Variants in RIMBP2 observed in about 807,000 individuals in gnomAD.
The protein encoded by RIMBP2 is RIMS binding protein 2.
In RIMBP2, 48 loss-of-function variants were observed where a neutral mutation model predicts 118.6. The observed-to-expected ratio is 0.40, with a 90% CI of 0.32 to 0.51. The LOEUF is 0.51. RIMBP2 is among the 20% of genes least tolerant of loss of function. The pLI is 0.41. For missense variants in RIMBP2, 1,551 were observed against 1,768.3 expected (o/e 0.88, Z 2.20); for synonymous variants, 762 against 742.9 (o/e 1.03, Z -0.42).
intron 19 of RIMBP2, among the ~76,000 whole-genome samples, chr12:130,408,634 A>G (rs1452018190): frequency 6.6e-6 from 1 of 152,210 alleles, no homozygotes; most frequent in Non-Finnish European, 1.5e-5. Context: ...AGGAGGCCTC[A>G]GTGCAGAGCC....
At chr12:130,560,996 C>T (rs957862015) in intron 2 of RIMBP2, among the ~76,000 whole-genome samples, 8 of 152,194 alleles carry the variant, frequency 5.3e-5, no homozygotes, top group African/African-American at 1.9e-4. Flanking sequence ...TGACTACAGT[C>T]CTTACAAAAG....
At chr12:130,550,927 GA>G (rs1382876334) in intron 2 of RIMBP2, among the ~76,000 whole-genome samples, 1 of 152,228 alleles carries the variant, frequency 6.6e-6, no homozygotes, top group African/African-American at 2.4e-5. Flanking sequence ...TTACTGAGAT[GA>G]AAAGTGGGTG....
chr12:130,715,909 G>A (rs1950297578), intron 1 of RIMBP2, among the ~76,000 whole-genome samples: 2 of 152,120 alleles, frequency 1.3e-5, no homozygotes, highest in Admixed American at 1.3e-4. Flanking sequence ...TGGGGTGGGG[G>A]CCATGACAGA....
chr12:130,715,561 G>C (rs547282282), intron 1 of RIMBP2, among the ~76,000 whole-genome samples: 269 of 152,306 alleles, frequency 1.8e-3, no homozygotes, highest in African/African-American at 6.3e-3. Flanking sequence ...CCGGCCAGCA[G>C]CCCGCGCACA....
chr12:130,435,840 C>CCCTG (rs1344197963), intron 13 of RIMBP2, among the ~76,000 whole-genome samples: 2 of 152,196 alleles, frequency 1.3e-5, no homozygotes, highest in African/African-American at 4.8e-5. Flanking sequence ...GAAGGTAGCT[C>CCCTG]CCTGCCCAGT....
chr12:130,521,850 G>A (rs564061812), intron 2 of RIMBP2, among the ~76,000 whole-genome samples: 6 of 152,238 alleles, frequency 3.9e-5, no homozygotes, highest in Non-Finnish European at 8.8e-5. Flanking sequence ...GGAAGGACAT[G>A]TAAGCATTGC....
At chr12:130,537,869 T>C (rs188667595) in intron 2 of RIMBP2, among the ~76,000 whole-genome samples, 232 of 152,326 alleles carry the variant, frequency 1.5e-3, no homozygotes, top group African/African-American at 5.1e-3. Flanking sequence ...AGATCATGTT[T>C]GAAATTGCCC....
chr12:130,483,347 C>T (rs1025487609), intron 4 of RIMBP2, among the ~76,000 whole-genome samples: 1 of 152,172 alleles, frequency 6.6e-6, no homozygotes, highest in East Asian at 1.9e-4. Flanking sequence ...TGGGGTCAGG[C>T]GGTCCTAAGT....
intron 1 of RIMBP2, among the ~76,000 whole-genome samples, chr12:130,680,738 C>G (rs551512744): frequency 6.6e-6 from 1 of 152,260 alleles, no homozygotes; most frequent in South Asian, 2.1e-4. Context: ...CATTGCTGAA[C>G]GTCCTACAGT....
rs570643823 is a variant in RIMBP2, at chr12:130,399,038, C to A, written c.3900+641G>T. ...TTTTTTTTTTAACCCCACAATGAAG[C>A]CTTAAGTCTACCACACTGGCCCGGT... is the stretch of plus-strand genomic sequence containing the variant. On this transcript the variant is annotated intron_variant, in intron 22 of 22. Transcript: ENST00000690449. 1.3e-4 allele frequency: 87 copies of A among 685,628 alleles called. No individual in the cohort carries two copies. The Middle Eastern group carries it at 2.2e-3, about 17-fold the overall frequency. 42.5% of individuals were successfully genotyped at this position (685,628 alleles called of 1,614,324 possible). A position where few individuals can be genotyped will look rare whatever the true frequency, so the allele number is the denominator to read the frequency against.
At chr12:130,507,359 C>A (rs1348331639) in intron 3 of RIMBP2, among the ~76,000 whole-genome samples, 1 of 152,204 alleles carries the variant, frequency 6.6e-6, no homozygotes, top group Non-Finnish European at 1.5e-5. Context: ...TTTTCCTTTT[C>A]AGTCACTTGG....
In RIMBP2 at chr12:130,620,296, C is replaced by G. The variant is rs2061225099; in HGVS notation, c.-217+8026G>C. Among the ~76,000 whole-genome samples, 1 of 152,122 alleles carries G rather than the reference C, an allele frequency of 6.6e-6. No individual in the cohort carries two copies. On this transcript the variant is annotated intron_variant, in intron 2 of 22. Transcript: ENST00000690449. The surrounding 1 kb of genome is among the most constrained non-coding windows in gnomAD (Gnocchi z 5.3). The stretch of plus-strand genomic sequence containing the variant: ...AAGAACCAGCAGCCAGAGCATGTCT[C>G]CCACTCCCTCCCACCCCAGGCGGGT...
At position 130,451,180 on chromosome 12, in the gene RIMBP2, C is replaced by A. The variant is rs748822665; in HGVS notation, c.504+15G>T. 6.2e-7 allele frequency: 1 copy of A among 1,610,632 alleles called. No homozygotes were observed. Among genetic ancestry groups the A allele is most frequent in the South Asian group, 1.1e-5 (1 of 90,892 alleles). ...GCACAGGCAGCCCCGGCAGCCCCTG[C>A]GGGACGGGACTCACGTCTGACTCAG... is the stretch of plus-strand genomic sequence containing the variant. On this transcript the variant is annotated intron_variant, in intron 8 of 22. Coordinates refer to ENST00000690449, the MANE Select transcript of RIMBP2 (RefSeq NM_001393629.1).
At chr12:130,630,539 T>A (rs1288323673) in intron 1 of RIMBP2, among the ~76,000 whole-genome samples, 1 of 152,142 alleles carries the variant, frequency 6.6e-6, no homozygotes, top group Non-Finnish European at 1.5e-5. Flanking sequence ...AATTGAAAAT[T>A]GTCAGAAAAA....
chr12:130,422,486 G>C lies in RIMBP2; in HGVS notation c.3205C>G (p.Gln1069Glu). 2 of 1,613,036 alleles carry C rather than the reference G, an allele frequency of 1.2e-6. No individual in the cohort carries two copies. The highest frequency in any genetic ancestry group is 2.2e-5 in the South Asian group (2 of 90,904). Reference sequence around the variant, plus strand: ...GGGACTGTCACGGGCCGGGACCTCTGAGGACCAGCGCTGCCACGGGGAAAC... The same window carrying C: ...GGGACTGTCACGGGCCGGGACCTCTCAGGACCAGCGCTGCCACGGGGAAAC... ...RRFPRGSAGP[Q>E]RSRPVTVPSI... The change falls in exon 17 of 23, where the codon CAG becomes GAG. Residue 1069 changes from glutamine to glutamate, a missense_variant. This residue lies in a region of RIMBP2 where 1,038 missense variants were observed against 1,125.1 expected (regional missense o/e 0.92). Coordinates refer to ENST00000690449, the MANE Select transcript of RIMBP2 (RefSeq NM_001393629.1). The surrounding 1 kb of genome is among the most constrained non-coding windows in gnomAD (Gnocchi z 5.2).
At chr12:130,406,354 T>C in intron 20 of RIMBP2, 111 bp from the exon 21 acceptor site, 2 of 680,634 alleles carry the variant, frequency 2.9e-6, no homozygotes, top group South Asian at 2.1e-5. Flanking sequence ...CTGGTATTAA[T>C]CTACTCTTTC....
rs1278593767 is a variant in RIMBP2 at position 130,623,471 on chromosome 12, G to A, written c.-217+4851C>T. ...GATTCTCGAGTAATGTACACAGGTA[G>A]CATGGACAAGTATGTTCCCTGCTGT... On this transcript the variant is annotated intron_variant, in intron 2 of 22. Transcript: ENST00000690449. The surrounding 1 kb of genome is among the most constrained non-coding windows in gnomAD (Gnocchi z 4.1). Among the ~76,000 whole-genome samples, 1 of 151,840 alleles carries A rather than the reference G, an allele frequency of 6.6e-6. No individual in the cohort carries two copies. Among genetic ancestry groups the A allele is most frequent in the Non-Finnish European group, 1.5e-5 (1 of 67,990 alleles).
chr12:130,655,042 C>T (rs113137034), intron 1 of RIMBP2, among the ~76,000 whole-genome samples: 33 of 152,344 alleles, frequency 2.2e-4, no homozygotes, highest in African/African-American at 7.7e-4. Context: ...ACTGGGATCA[C>T]ATTTCACATG....
In RIMBP2 at chr12:130,420,655, T is replaced by C. The variant is rs1381797690; in HGVS notation, c.3238+1798A>G. ...GAAAAGCAATACTGATCTAGGAAAA[T>C]AGCAAACCAAAGCGGAGACAAAAAA... On this transcript the variant is annotated intron_variant, in intron 17 of 22. Coordinates refer to ENST00000690449, the MANE Select transcript of RIMBP2 (RefSeq NM_001393629.1). The surrounding 1 kb of genome is among the most constrained non-coding windows in gnomAD (Gnocchi z 4.3). 6.6e-6 allele frequency among the ~76,000 whole-genome samples: 1 copy of C among 151,884 alleles called. No homozygotes were observed. Among genetic ancestry groups the C allele is most frequent in the African/African-American group, 2.4e-5 (1 of 41,314 alleles).
Sources: allele counts gnomAD v4.1 joint callset (sites outside exome capture counted in the v4.1 genomes callset), GRCh38; gene constraint gnomAD v4.1.1; regional missense constraint gnomAD v4.1.1; non-coding constraint Gnocchi (gnomAD v3.1); transcripts MANE v1.5; gene names NCBI Gene and HGNC (gene_info 2026-07-23, HGNC 2026-07-21).